Variants in MYO10 observed in about 807,000 individuals in gnomAD.
MYO10 encodes the protein myosin X, also known as unconventional myosin-X.
Under a neutral mutation model 257.3 loss-of-function variants are expected in MYO10, and 133 were observed. The ratio of observed to expected loss-of-function variants is 0.52; its 90% CI spans 0.45 to 0.60. MYO10 has a LOEUF of 0.60. Ranked by LOEUF, MYO10 falls within the 20% of genes least tolerant of loss-of-function variation. The probability of loss-of-function intolerance (pLI) is 0.00; values close to 1 mark genes in which losing one functional copy is unlikely to be tolerated. For missense variants in MYO10, 2,399 were observed against 2,635.7 expected (o/e 0.91, Z 1.97); for synonymous variants, 1,104 against 1,028.6 (o/e 1.07, Z -1.40).
At chr5:16,805,486 G>GA (rs1184044059) in intron 3 of MYO10, among the ~76,000 whole-genome samples, 7 of 136,914 alleles carry the variant, frequency 5.1e-5, no homozygotes, top group East Asian at 2.1e-4. Flanking sequence ...AAAAAGAAAA[G>GA]AAAAAAAAGA....
intron 19 of MYO10, among the ~76,000 whole-genome samples, chr5:16,752,082 C>G (rs2126641089): frequency 6.6e-6 from 1 of 152,184 alleles, no homozygotes; most frequent in Non-Finnish European, 1.5e-5. Flanking sequence ...TCTGTGCCAT[C>G]CAAGAGAGAA....
At chr5:16,761,611 T>A (rs1258478166) in intron 16 of MYO10, 65 bp from the exon 17 acceptor site, 4 of 1,128,404 alleles carry the variant, frequency 3.5e-6, no homozygotes, top group Non-Finnish European at 5.3e-6. Flanking sequence ...ATAAGCAACT[T>A]CCCTGAAAGA....
At chr5:16,809,720 T>A (rs1445021097) in intron 3 of MYO10, among the ~76,000 whole-genome samples, 2 of 152,254 alleles carry the variant, frequency 1.3e-5, no homozygotes, top group African/African-American at 4.8e-5. Flanking sequence ...GCATAGTTCG[T>A]GCTTACTGAA....
At chr5:16,907,978 A>G (rs1187692841) in intron 1 of MYO10, among the ~76,000 whole-genome samples, 1 of 152,260 alleles carries the variant, frequency 6.6e-6, no homozygotes, top group Non-Finnish European at 1.5e-5. Flanking sequence ...CACGCCTGTA[A>G]TCCCAACACT....
At chr5:16,748,876 A>G (rs1279116228) in intron 19 of MYO10, among the ~76,000 whole-genome samples, 2 of 152,034 alleles carry the variant, frequency 1.3e-5, no homozygotes, top group African/African-American at 4.8e-5. Context: ...AGAGAGGAAT[A>G]CAGGTCATCA....
rs1160759167 is a variant in MYO10, at chr5:16,664,397, TTC to T, written c.*2293_*2294del. ...AGAAAGAAGACTTCTGTCAAATTCT[TTC>T]TGAGCCTAAAATAAAAACAAAGACA... On this transcript the variant is annotated 3_prime_UTR_variant, in exon 41 of 41. Transcript: ENST00000513610. 2.0e-5 allele frequency: 3 copies of T among 152,262 alleles called. No homozygotes were observed. Among genetic ancestry groups the T allele is most frequent in the South Asian group, 2.1e-4 (1 of 4,816 alleles). 9.4% of individuals were successfully genotyped at this position (152,262 alleles called of 1,614,324 possible).
chr5:16,869,872 TATAATA>T (rs1274883956), intron 2 of MYO10, among the ~76,000 whole-genome samples: 4 of 115,990 alleles, frequency 3.4e-5, no homozygotes, highest in East Asian at 2.7e-4. Context: ...TTCAAAAAAC[TATAATA>T]ATAATAATAA....
At chr5:16,922,520 G>A (rs1401687536) in intron 1 of MYO10, among the ~76,000 whole-genome samples, 15 of 152,194 alleles carry the variant, frequency 9.9e-5, no homozygotes, top group Admixed American at 7.9e-4. Context: ...TATGTTACTG[G>A]TCTAAAAGGA....
At chr5:16,733,239 C>T (rs1177079608) in intron 19 of MYO10, among the ~76,000 whole-genome samples, 1 of 152,138 alleles carries the variant, frequency 6.6e-6, no homozygotes, top group Admixed American at 6.6e-5. Flanking sequence ...ATTAAAAAGA[C>T]CACAAGGTCA....
intron 2 of MYO10, among the ~76,000 whole-genome samples, chr5:16,853,246 C>A (rs1157438685): frequency 2.6e-5 from 4 of 151,948 alleles, no homozygotes; most frequent in Middle Eastern, 6.8e-3. Context: ...TAGTGGTGGG[C>A]GCCTGTAGTC....
intron 1 of MYO10, among the ~76,000 whole-genome samples, chr5:16,890,552 A>G (rs1447852371): frequency 6.6e-6 from 1 of 151,836 alleles, no homozygotes; most frequent in Non-Finnish European, 1.5e-5. Context: ...ATATTATTCA[A>G]CTATAAGGTT....
At chr5:16,839,801 G>A (rs1031696106) in intron 2 of MYO10, among the ~76,000 whole-genome samples, 2 of 147,738 alleles carry the variant, frequency 1.4e-5, no homozygotes, top group African/African-American at 2.4e-5. Flanking sequence ...TTGCCAAACC[G>A]TAGGCTAATG....
chr5:16,858,335 C>T (rs903436615), intron 2 of MYO10, among the ~76,000 whole-genome samples: 5 of 151,790 alleles, frequency 3.3e-5, no homozygotes, highest in African/African-American at 1.2e-4. Context: ...TTCAGTCGCA[C>T]ACTGGAGTCG....
chr5:16,920,873 T>A (rs1415730354), intron 1 of MYO10, among the ~76,000 whole-genome samples: 1 of 151,988 alleles, frequency 6.6e-6, no homozygotes, highest in Non-Finnish European at 1.5e-5. Context: ...ATCCCAGCAC[T>A]TTGGGAGGCT....
intron 19 of MYO10, among the ~76,000 whole-genome samples, chr5:16,737,710 G>A (rs1244990425): frequency 6.6e-6 from 1 of 152,160 alleles, no homozygotes; most frequent in Non-Finnish European, 1.5e-5. Context: ...TGCCCCCTGG[G>A]GGGCACCCGG....
At chr5:16,668,137 G>T in intron 40 of MYO10, 140 bp downstream of exon 40, 1 of 844,182 alleles carries the variant, frequency 1.2e-6, no homozygotes, top group Non-Finnish European at 1.8e-6. Flanking sequence ...AGCTGGAAAG[G>T]GACCACCACA....
chr5:16,840,640 A>T (rs1397711579), intron 2 of MYO10, among the ~76,000 whole-genome samples: 3 of 152,136 alleles, frequency 2.0e-5, no homozygotes, highest in African/African-American at 4.8e-5. Flanking sequence ...ACATAAATGC[A>T]TATGTGTCTT....
At position 16,781,688 on chromosome 5, in the gene MYO10, T is replaced by C; in HGVS notation, c.727+17A>G. 1 of 1,609,648 alleles carries C rather than the reference T, an allele frequency of 6.2e-7. No individual in the cohort carries two copies. The highest frequency in any genetic ancestry group is 8.5e-7 in the Non-Finnish European group (1 of 1,177,374). ...GAGAATCAATTACTATAGATAAAAA[T>C]AAATGAAAGAGGATACAATCTACAA... On this transcript the variant is annotated intron_variant, in intron 6 of 40. Coordinates refer to ENST00000513610, the MANE Select transcript of MYO10 (RefSeq NM_012334.3).
rs1333965461 is a variant in MYO10, at chr5:16,877,060, T to C, written c.120+549A>G. ...AAGAAGCTGGCTGGCTATGAACCAG[T>C]GAGCAGAGGCCTCACAAGACACACA... On this transcript the variant is annotated intron_variant, in intron 2 of 40. Coordinates refer to ENST00000513610, the MANE Select transcript of MYO10 (RefSeq NM_012334.3). Among the ~76,000 whole-genome samples, 2 of 152,090 alleles carry C rather than the reference T, an allele frequency of 1.3e-5. 1 individual carries two copies. Among genetic ancestry groups the C allele is most frequent in the Admixed American group, 1.3e-4 (2 of 15,268 alleles).
Sources: allele counts gnomAD v4.1 joint callset (sites outside exome capture counted in the v4.1 genomes callset), GRCh38; gene constraint gnomAD v4.1.1; transcripts MANE v1.5; gene names NCBI Gene and HGNC (gene_info 2026-07-23, HGNC 2026-07-21).